Variants in CBLB observed in about 807,000 individuals in gnomAD.
The protein encoded by CBLB is E3 ubiquitin-protein ligase CBL-B.
In CBLB, 31 loss-of-function variants were observed where a neutral mutation model predicts 104.9. The ratio of observed to expected loss-of-function variants is 0.30; its 90% confidence interval spans 0.22 to 0.40. The LOEUF is 0.40. Among genes scored for constraint, CBLB ranks in the 10% least tolerant of loss-of-function variants. CBLB has a pLI of 1.00. For missense variants in CBLB, 1,062 were observed against 1,214.6 expected, an observed-to-expected ratio of 0.87 and a Z score of 1.87; for synonymous variants, 440 against 422.6, an observed-to-expected ratio of 1.04 and a Z score of -0.51.
At chr3:105,717,732 T>A (rs934066695) in intron 10 of CBLB, among the ~76,000 whole-genome samples, 5 of 152,158 alleles carry the variant, frequency 3.3e-5, no homozygotes, top group African/African-American at 9.7e-5. Flanking sequence ...GAACAGTACA[T>A]CAATATCACC....
intron 3 of CBLB, among the ~76,000 whole-genome samples, chr3:105,797,646 CA>C (rs1182966919): frequency 6.6e-6 from 1 of 152,142 alleles, no homozygotes; most frequent in African/African-American, 2.4e-5. Context: ...ACCAAGTTTA[CA>C]TAATAAATTC....
chr3:105,737,781 C>T (rs2075112941), intron 7 of CBLB, among the ~76,000 whole-genome samples: 1 of 152,166 alleles, frequency 6.6e-6, no homozygotes, highest in South Asian at 2.1e-4. Flanking sequence ...CTTCCCCTCA[C>T]CTAACACAAA....
intron 3 of CBLB, among the ~76,000 whole-genome samples, chr3:105,830,715 G>A (rs2087370235): frequency 6.6e-6 from 1 of 152,302 alleles, no homozygotes; most frequent in South Asian, 2.1e-4. Context: ...CACATGCCAT[G>A]TAATGGAAAG....
At chr3:105,776,641 G>C in intron 3 of CBLB, 99 bp from the exon 4 acceptor site, 10 of 1,094,720 alleles carry the variant, frequency 9.1e-6, no homozygotes, top group Non-Finnish European at 1.4e-5. Flanking sequence ...TGTTATGTAT[G>C]TATCAACGTA....
intron 3 of CBLB, among the ~76,000 whole-genome samples, chr3:105,783,670 T>A (rs2080577226): frequency 6.6e-6 from 1 of 152,070 alleles, no homozygotes; most frequent in Admixed American, 6.6e-5. Flanking sequence ...AACAATGCAG[T>A]GGGAATAAAG....
At chr3:105,753,187 A>G (rs559918376) in intron 4 of CBLB, among the ~76,000 whole-genome samples, 29 of 152,254 alleles carry the variant, frequency 1.9e-4, no homozygotes, top group African/African-American at 6.0e-4. Flanking sequence ...TGTATTTATA[A>G]GAGAGTTTAG....
intron 3 of CBLB, among the ~76,000 whole-genome samples, chr3:105,821,472 A>G (rs891085350): frequency 6.6e-6 from 1 of 152,190 alleles, no homozygotes; most frequent in African/African-American, 2.4e-5. Context: ...TCTATACAGT[A>G]AGTTAAAATT....
chr3:105,854,480 T>A (rs6788366), intron 2 of CBLB, among the ~76,000 whole-genome samples: 100,787 of 152,048 alleles, frequency 0.66, 34,622 homozygotes, highest in Middle Eastern at 0.79. Context: ...ATGAAATAAT[T>A]GAGAATTGCA....
At chr3:105,817,357 G>A (rs1292669653) in intron 3 of CBLB, among the ~76,000 whole-genome samples, 1 of 152,060 alleles carries the variant, frequency 6.6e-6, no homozygotes, top group Non-Finnish European at 1.5e-5. Context: ...TTTTAAGGGA[G>A]AGGAGATTCT....
chr3:105,782,720 A>G (rs1486345832), intron 3 of CBLB, among the ~76,000 whole-genome samples: 1 of 151,294 alleles, frequency 6.6e-6, no homozygotes, highest in Non-Finnish European at 1.5e-5. Flanking sequence ...CAGAGGGTGT[A>G]TGCCACCACA....
intron 17 of CBLB, among the ~76,000 whole-genome samples, chr3:105,677,442 G>T (rs2065792283): frequency 6.6e-6 from 1 of 150,996 alleles, no homozygotes. Flanking sequence ...TGGGAATAAA[G>T]ATTCTCAAGT....
intron 3 of CBLB, among the ~76,000 whole-genome samples, chr3:105,834,520 G>A (rs1239075626): frequency 3.9e-5 from 6 of 152,136 alleles, no homozygotes; most frequent in Non-Finnish European, 8.8e-5. Context: ...GCCGGGCGTG[G>A]TGGCAGGCAC....
chr3:105,860,724 A>C (rs1367344617), intron 2 of CBLB, among the ~76,000 whole-genome samples: 1 of 152,214 alleles, frequency 6.6e-6, no homozygotes, highest in Non-Finnish European at 1.5e-5. Flanking sequence ...TGAAAATTAG[A>C]CCAAGGGCAC....
intron 9 of CBLB, among the ~76,000 whole-genome samples, chr3:105,728,344 G>C (rs982499286): frequency 6.6e-6 from 1 of 152,104 alleles, no homozygotes; most frequent in Non-Finnish European, 1.5e-5. Flanking sequence ...GCCAAATCAT[G>C]AGTGAACTCC....
intron 3 of CBLB, among the ~76,000 whole-genome samples, chr3:105,791,758 TACC>T (rs974101331): frequency 1.1e-4 from 16 of 152,334 alleles, no homozygotes; most frequent in Admixed American, 8.5e-4. Context: ...ATGAATACAG[TACC>T]ACATGGGGAT....
chr3:105,732,611 T>A (rs1044472107), intron 9 of CBLB, among the ~76,000 whole-genome samples: 2 of 152,184 alleles, frequency 1.3e-5, no homozygotes, highest in African/African-American at 4.8e-5. Flanking sequence ...ATTCTTCCTC[T>A]TTTCCTCATC....
At position 105,867,390 on chromosome 3, in the gene CBLB, C is replaced by A. The variant is rs757563243; in HGVS notation, c.168+20G>T. 6.2e-7 allele frequency: 1 copy of A among 1,612,406 alleles called. No individual in the cohort carries two copies. Among genetic ancestry groups the A allele is most frequent in the Admixed American group, 1.7e-5 (1 of 60,024 alleles). ...CAAAGTGAATAGTGTTTCGCACAGG[C>A]AACGTCAGACAGAACTTACCACTTT... On this transcript the variant is annotated intron_variant, in intron 2 of 18. Transcript: ENST00000394030.
At chr3:105,690,563 C>A (rs1004282636) in intron 13 of CBLB, among the ~76,000 whole-genome samples, 2 of 152,156 alleles carry the variant, frequency 1.3e-5, no homozygotes, top group African/African-American at 4.8e-5. Context: ...GTGGCTCACG[C>A]CTGTAATCCC....
At position 105,656,902 on chromosome 3, in the gene CBLB, A is replaced by G. The variant is rs3732555; in HGVS notation, c.*2068T>C. On this transcript the variant is annotated 3_prime_UTR_variant, in exon 19 of 19. Coordinates refer to ENST00000394030, the MANE Select transcript of CBLB (RefSeq NM_170662.5). ...GGTGACATCTGAAACTGTTAAAACA[A>G]GTGAAAAATCATAATGACAAAACAG... 40,051 of 212,364 alleles carry G rather than the reference A, an allele frequency of 0.19. 5,246 individuals are homozygous for G. The highest frequency in any genetic ancestry group is 0.6 in the East Asian group (8,491 of 14,082). 13.2% of individuals were successfully genotyped at this position (212,364 alleles called of 1,614,324 possible).
Sources: allele counts gnomAD v4.1 joint callset (sites outside exome capture counted in the v4.1 genomes callset), GRCh38; gene constraint gnomAD v4.1.1; transcripts MANE v1.5; gene names NCBI Gene and HGNC (gene_info 2026-07-23, HGNC 2026-07-21).